Variants in SLC38A1 observed in about 807,000 individuals in gnomAD.
SLC38A1 encodes the protein sodium-coupled neutral amino acid symporter 1.
In SLC38A1, 18 loss-of-function variants were observed where a neutral mutation model predicts 60.3. The ratio of observed to expected loss-of-function variants is 0.30; its 90% CI spans 0.21 to 0.44. The LOEUF (loss-of-function observed/expected upper bound fraction) is 0.44, where lower values mean the gene tolerates loss of function less well. Ranked by LOEUF, SLC38A1 falls within the 20% of genes least tolerant of loss-of-function variation. The pLI is 1.00. For synonymous variants in SLC38A1, 196 were observed against 212.1 expected (o/e 0.92, Z 0.66); for missense variants, 448 against 587.2 (o/e 0.76, Z 2.45).
chr12:46,224,759 G>C (rs896170375), intron 5 of SLC38A1, among the ~76,000 whole-genome samples: 7 of 152,208 alleles, frequency 4.6e-5, no homozygotes, highest in African/African-American at 1.7e-4. Context: ...GAAACTTAAA[G>C]TTTGAGCCTT....
At position 46,188,888 on chromosome 12, in the gene SLC38A1, G is replaced by A; in HGVS notation, c.*82C>T. On this transcript the variant is annotated 3_prime_UTR_variant, in exon 17 of 17. Coordinates refer to ENST00000398637, the MANE Select transcript of SLC38A1 (RefSeq NM_030674.4). The stretch of plus-strand genomic sequence containing the variant: ...CATTTCTGTTTGCTTCTGTAAACTT[G>A]CAAAAGAAGTGGTGAGAGATTGCTG... 3.4e-6 allele frequency: 4 copies of A among 1,162,210 alleles called. 1 individual carries two copies. The highest frequency in any genetic ancestry group is 5.1e-6 in the Non-Finnish European group (4 of 787,798). The allele number at this position is 1,162,210 out of a possible 1,614,324, so 72.0% of individuals were successfully genotyped here. A position where few individuals can be genotyped will look rare whatever the true frequency, so the allele number is the denominator to read the frequency against.
At position 46,197,969 on chromosome 12, in the gene SLC38A1, T is replaced by C. The variant is rs1469080344; in HGVS notation, c.1214A>G (p.Asn405Ser). The change falls in exon 15 of 17, where the codon AAC becomes AGC. Residue 405 changes from asparagine to serine, a missense_variant. Physicochemically the swap from Asn to Ser is conservative, Grantham distance 46. Around this residue, in one of 2 missense-constraint regions of SLC38A1, gnomAD observed 346 missense variants for 497.5 expected, o/e 0.70. Transcript: ENST00000398637. ...VVTCILLVVI[N>S]LLVIFIPSMK... ...GGAGGGTATGAAGATCACCAACAAGTTGATAACAACCAAGAGTATGCAGGT... is the reference window on the plus strand; with the variant it reads ...GGAGGGTATGAAGATCACCAACAAGCTGATAACAACCAAGAGTATGCAGGT... 9 of 1,613,962 alleles carry C rather than the reference T, an allele frequency of 5.6e-6. No homozygotes were observed.
chr12:46,188,543 A>T lies in SLC38A1; in HGVS notation c.*427T>A, dbSNP rs950513915. On this transcript the variant is annotated 3_prime_UTR_variant, in exon 17 of 17. Transcript: ENST00000398637. Reference sequence around the variant, plus strand: ...GCAAAATAAATATATACAATTCAAGATTCTTTTCTCTTCTAAAAAGGTACA... The same window carrying T: ...GCAAAATAAATATATACAATTCAAGTTTCTTTTCTCTTCTAAAAAGGTACA... 1.3e-5 allele frequency: 2 copies of T among 154,198 alleles called. No homozygotes were observed. Among genetic ancestry groups the T allele is most frequent in the African/African-American group, 4.8e-5 (2 of 41,470 alleles). 9.6% of individuals were successfully genotyped at this position (154,198 alleles called of 1,614,324 possible).
chr12:46,209,785 T>C (rs1356266111), intron 5 of SLC38A1, among the ~76,000 whole-genome samples: 2 of 152,308 alleles, frequency 1.3e-5, no homozygotes, highest in East Asian at 1.9e-4. Context: ...AATGATGAAC[T>C]CATGTTTTTG....
intron 16 of SLC38A1, among the ~76,000 whole-genome samples, chr12:46,197,133 T>C (rs1164486258): frequency 6.6e-6 from 1 of 152,124 alleles, no homozygotes; most frequent in Non-Finnish European, 1.5e-5. Flanking sequence ...CACAGGAGGA[T>C]GAATGTCCAT....
At chr12:46,233,046 TCTTG>T (rs1941133975) in intron 3 of SLC38A1, among the ~76,000 whole-genome samples, 1 of 152,152 alleles carries the variant, frequency 6.6e-6, no homozygotes, top group South Asian at 2.1e-4. Flanking sequence ...AGAGACAAGT[TCTTG>T]CTTTGCTGCC....
At chr12:46,193,357 G>A (rs938512725) in intron 16 of SLC38A1, among the ~76,000 whole-genome samples, 1 of 152,104 alleles carries the variant, frequency 6.6e-6, no homozygotes, top group Admixed American at 6.6e-5. Flanking sequence ...CCAATTATGT[G>A]GCCAATTTTA....
chr12:46,203,237 T>A, intron 11 of SLC38A1, 148 bp from the exon 12 acceptor site: 1 of 669,730 alleles, frequency 1.5e-6, no homozygotes, highest in Non-Finnish European at 2.5e-6. Context: ...ATCTCTAAAG[T>A]AGAAGCAGCT....
intron 1 of SLC38A1, among the ~76,000 whole-genome samples, chr12:46,262,068 T>C (rs941795714): frequency 6.6e-6 from 1 of 152,184 alleles, no homozygotes; most frequent in Non-Finnish European, 1.5e-5. Context: ...GGGATGAGTA[T>C]GGACCCCCTC....
At chr12:46,239,976 T>A (rs1469811386) in intron 2 of SLC38A1, 83 bp from the exon 3 acceptor site, 3 of 586,756 alleles carry the variant, frequency 5.1e-6, no homozygotes, top group Non-Finnish European at 8.8e-6. Flanking sequence ...AAACAAGTAG[T>A]TAATTTACTG....
In SLC38A1 at chr12:46,187,588, G is replaced by T. The variant is rs1316678453; in HGVS notation, c.*1382C>A. 6.6e-6 allele frequency: 1 copy of T among 152,110 alleles called. No homozygotes were observed. The highest frequency in any genetic ancestry group is 1.5e-5 in the Non-Finnish European group (1 of 68,056). The allele number at this position is 152,110 out of a possible 1,614,324, so 9.4% of individuals were successfully genotyped here. On this transcript the variant is annotated 3_prime_UTR_variant, in exon 17 of 17. Coordinates refer to ENST00000398637, the MANE Select transcript of SLC38A1 (RefSeq NM_030674.4). ...TTCCTTGTGCTCCCTTTAGGAGAGG[G>T]ACAAGGGTAAGAGTACCAGGCAACT...
rs1158206094 is a variant in SLC38A1 at position 46,195,357 on chromosome 12, CCT to C, written c.1362+2361_1362+2362del. On this transcript the variant is annotated intron_variant, in intron 16 of 16. Transcript: ENST00000398637. ...CACGTGTTTGAGGTATCTCTCAGCC[CCT>C]GATGGGGAGGTGTTTCCCAGTCCAG... Among the ~76,000 whole-genome samples, 8 of 152,294 alleles carry C rather than the reference CCT, an allele frequency of 5.3e-5. No homozygotes were observed. In the South Asian group the frequency reaches 1.2e-3, roughly 24 times the overall value.
intron 9 of SLC38A1, 149 bp downstream of exon 9, chr12:46,205,931 G>A (rs1939876982): frequency 9.8e-6 from 5 of 509,076 alleles, no homozygotes; most frequent in Non-Finnish European, 1.8e-5. Context: ...CCATATTAAA[G>A]TTGGGACCGA....
intron 1 of SLC38A1, among the ~76,000 whole-genome samples, chr12:46,248,596 C>A (rs959967933): frequency 6.6e-6 from 1 of 151,174 alleles, no homozygotes; most frequent in South Asian, 2.1e-4. Context: ...GCTTTAACAC[C>A]CATTAGACAG....
chr12:46,223,435 CTCTT>C (rs1565773366), intron 5 of SLC38A1, among the ~76,000 whole-genome samples: 1 of 149,184 alleles, frequency 6.7e-6, no homozygotes, highest in Non-Finnish European at 1.5e-5. Flanking sequence ...CTCTCCATCT[CTCTT>C]TCTCTCTCAC....
intron 1 of SLC38A1, among the ~76,000 whole-genome samples, chr12:46,262,572 T>A (rs1330400056): frequency 6.6e-6 from 1 of 152,240 alleles, no homozygotes; most frequent in Non-Finnish European, 1.5e-5. Flanking sequence ...TTTATTTGCA[T>A]ATATGTTTTT....
chr12:46,211,735 C>T (rs912463154), intron 5 of SLC38A1, among the ~76,000 whole-genome samples: 2 of 152,178 alleles, frequency 1.3e-5, no homozygotes, highest in African/African-American at 4.8e-5. Flanking sequence ...GAGGTGCTCC[C>T]ACAGTGGTGA....
At chr12:46,244,030 C>T (rs1941533254) in intron 1 of SLC38A1, among the ~76,000 whole-genome samples, 1 of 152,132 alleles carries the variant, frequency 6.6e-6, no homozygotes, top group South Asian at 2.1e-4. Context: ...AAGACCAACC[C>T]ATCTAAAATG....
intron 1 of SLC38A1, chr12:46,255,026 C>T (rs929254641): frequency 4.6e-5 from 7 of 152,110 alleles, no homozygotes; most frequent in Non-Finnish European, 8.8e-5. Flanking sequence ...TTTAGTTAAC[C>T]CCTGTTCTTG....
Sources: gnomAD v4.1 joint callset for allele counts (sites outside exome capture counted in the v4.1 genomes callset) on GRCh38, gnomAD v4.1.1 for gene constraint, gnomAD v4.1.1 regional missense constraint, MANE v1.5 for transcripts, NCBI Gene and HGNC (gene_info 2026-07-23, HGNC 2026-07-21) for gene names.